LDLRAD4: variants seen among roughly 807,000 people sequenced by gnomAD.
The protein encoded by LDLRAD4 is low density lipoprotein receptor class A domain containing 4.
LDLRAD4 carries 5 observed loss-of-function variants against 17.0 expected under a neutral mutation model. That is an observed-to-expected ratio of 0.29 (90% CI 0.15 to 0.62). LDLRAD4 has a LOEUF of 0.62. Ranked by LOEUF, LDLRAD4 falls within the 20% of genes least tolerant of loss-of-function variation. The pLI is 0.84. For missense variants in LDLRAD4, 340 were observed against 424.7 expected (o/e 0.80, Z 1.75); for synonymous variants, 168 against 171.8 (o/e 0.98, Z 0.17).
chr18:13,386,430 G>A (rs905493327), intron 1 of LDLRAD4, among the ~76,000 whole-genome samples: 3 of 151,558 alleles, frequency 2.0e-5, no homozygotes, highest in Non-Finnish European at 4.4e-5. Context: ...TTGCAATGGC[G>A]CGATCTTGGC....
At position 13,621,027 on chromosome 18, in the gene LDLRAD4, G is replaced by A; in HGVS notation, c.182-90G>A. On this transcript the variant is annotated intron_variant, in intron 3 of 5. Transcript: ENST00000359446. This position sits in a 1 kb window ranked among gnomAD's most constrained non-coding sequence, Gnocchi z 5.5. ...AACAGACGTGTGTGAGAGGCCTTCA[G>A]GGCCTGATGGCTGGGGTGGTGACAG... 1 of 1,589,230 alleles carries A rather than the reference G, an allele frequency of 6.3e-7. No homozygotes were observed. The highest frequency in any genetic ancestry group is 8.6e-7 in the Non-Finnish European group (1 of 1,161,720).
chr18:13,591,856 GATTTGATTGTT>G (rs2095033801), intron 3 of LDLRAD4, among the ~76,000 whole-genome samples: 1 of 152,174 alleles, frequency 6.6e-6, no homozygotes, highest in South Asian at 2.1e-4. Flanking sequence ...TGGATTGTTT[GATTTGATTGTT>G]ATAACATCGT....
At position 13,432,781 on chromosome 18, in the gene LDLRAD4, A is replaced by T. The variant is rs144021939; in HGVS notation, c.41-5463A>T. Among the ~76,000 whole-genome samples the T allele has an allele frequency of 6.4e-4, 97 of 152,280 alleles. 1 individual carries two copies. The East Asian group carries it at 0.014, about 22-fold the overall frequency. ...GCCCAGGCTGGAGTGCAGTGGCGTG[A>T]TCTCGGCTCACTGCAGCCTCAAACT... On this transcript the variant is annotated intron_variant, in intron 2 of 5. Transcript: ENST00000359446.
chr18:13,428,628 A>T (rs1035603551), intron 2 of LDLRAD4, among the ~76,000 whole-genome samples: 3 of 151,870 alleles, frequency 2.0e-5, no homozygotes, highest in African/African-American at 7.3e-5. Context: ...CACCATGGGG[A>T]GGGGAGATTG....
intron 1 of LDLRAD4, among the ~76,000 whole-genome samples, chr18:13,267,489 A>G (rs182433594): frequency 1.7e-3 from 256 of 152,356 alleles, no homozygotes; most frequent in African/African-American, 5.7e-3. Context: ...GAAGCTGCCC[A>G]GGGGCATAGC....
chr18:13,245,469 T>G (rs1166428861), intron 1 of LDLRAD4, among the ~76,000 whole-genome samples: 1 of 152,210 alleles, frequency 6.6e-6, no homozygotes, highest in Non-Finnish European at 1.5e-5. Flanking sequence ...GGCATTGGCA[T>G]TATTAGCATC....
At chr18:13,263,198 A>G (rs554775095) in intron 1 of LDLRAD4, among the ~76,000 whole-genome samples, 2 of 98,520 alleles carry the variant, frequency 2.0e-5, no homozygotes, top group African/African-American at 8.3e-5. Context: ...CCGTGCGTGG[A>G]AACTGAGTCC....
At chr18:13,224,168 C>A (rs1331139188) in intron 1 of LDLRAD4, among the ~76,000 whole-genome samples, 1 of 152,230 alleles carries the variant, frequency 6.6e-6, no homozygotes, top group Non-Finnish European at 1.5e-5. Context: ...GAGCACTGGA[C>A]CATGGCAGCT....
intron 3 of LDLRAD4, among the ~76,000 whole-genome samples, chr18:13,575,232 C>T (rs1214490919): frequency 1.3e-5 from 2 of 152,236 alleles, no homozygotes; most frequent in Admixed American, 6.5e-5. Context: ...TTACCTCCCA[C>T]CCTTTCCCCT....
chr18:13,243,748 G>A (rs577918703), intron 1 of LDLRAD4, among the ~76,000 whole-genome samples: 190 of 76,314 alleles, frequency 2.5e-3, no homozygotes, highest in Non-Finnish European at 4.0e-3. Flanking sequence ...CCATGCACCC[G>A]CACATCCATC....
chr18:13,228,795 G>C (rs1216033442), intron 1 of LDLRAD4, among the ~76,000 whole-genome samples: 1 of 152,094 alleles, frequency 6.6e-6, no homozygotes, highest in African/African-American at 2.4e-5. Flanking sequence ...GACGTCCTGG[G>C]ATTTTGCATT....
chr18:13,591,934 A>G (rs1234891919), intron 3 of LDLRAD4, among the ~76,000 whole-genome samples: 1 of 152,212 alleles, frequency 6.6e-6, no homozygotes, highest in Non-Finnish European at 1.5e-5. Context: ...AGGCTAAGGA[A>G]GATTATGTGA....
At chr18:13,651,274 C>T (rs2043235915) in exon 6 of LDLRAD4, 1 of 152,242 alleles carries the variant, frequency 6.6e-6, no homozygotes, top group Admixed American at 6.5e-5. Flanking sequence ...GTCCAAGTCT[C>T]TCTGTGCCTT....
intron 3 of LDLRAD4, among the ~76,000 whole-genome samples, chr18:13,442,960 C>T (rs368109196): frequency 1.3e-5 from 2 of 152,056 alleles, no homozygotes; most frequent in Admixed American, 6.5e-5. Context: ...GAATCTGATT[C>T]GGGGAAAGCA....
chr18:13,350,831 T>G (rs182335982), intron 1 of LDLRAD4, among the ~76,000 whole-genome samples: 175 of 152,344 alleles, frequency 1.1e-3, no homozygotes, highest in Middle Eastern at 6.8e-3. Flanking sequence ...AGGGTCCAGT[T>G]TCAGTTTTCT....
chr18:13,373,603 T>C (rs2084681893), intron 1 of LDLRAD4, among the ~76,000 whole-genome samples: 1 of 152,236 alleles, frequency 6.6e-6, no homozygotes. Context: ...TTTTCAGAGA[T>C]TAATATATGC....
At chr18:13,370,747 G>A (rs1206412039) in intron 1 of LDLRAD4, among the ~76,000 whole-genome samples, 1 of 44,384 alleles carries the variant, frequency 2.3e-5, no homozygotes, top group Non-Finnish European at 4.7e-5. Context: ...TTCTTGCTTT[G>A]TCTCTTAGAC....
intron 3 of LDLRAD4, among the ~76,000 whole-genome samples, chr18:13,441,081 TTCTC>T (rs1227269480): frequency 1.3e-5 from 2 of 152,168 alleles, no homozygotes; most frequent in Non-Finnish European, 2.9e-5. Flanking sequence ...AGGTGGTGGT[TTCTC>T]TGTCTTCTGC....
intron 1 of LDLRAD4, among the ~76,000 whole-genome samples, chr18:13,339,212 CTTT>C (rs35423798): frequency 1.4e-5 from 2 of 143,172 alleles, no homozygotes; most frequent in Non-Finnish European, 1.5e-5. Flanking sequence ...AGTATCACTA[CTTT>C]TTTTTTTTTT....
Sources: allele counts gnomAD v4.1 joint callset (sites outside exome capture counted in the v4.1 genomes callset), GRCh38; gene constraint gnomAD v4.1.1; non-coding constraint Gnocchi (gnomAD v3.1); transcripts MANE v1.5; gene names NCBI Gene and HGNC (gene_info 2026-07-23, HGNC 2026-07-21).